The following RPTOR variants were observed in gnomAD, a reference collection of about 807,000 sequenced individuals.
The protein encoded by RPTOR is regulatory-associated protein of mTOR.
A neutral mutation model predicts 169.9 loss-of-function variants in RPTOR; 21 were observed. The observed-to-expected ratio is 0.12, with a 90% confidence interval of 0.09 to 0.18. RPTOR has a LOEUF of 0.18. RPTOR is among the 10% of genes least tolerant of loss of function. The pLI, the probability that RPTOR is intolerant of heterozygous loss-of-function variation, is 1.00. For missense variants in RPTOR, 1,133 were observed against 1,855.9 expected (o/e 0.61, Z 7.16); for synonymous variants, 732 against 753.2 (o/e 0.97, Z 0.46).
At position 80,838,022 on chromosome 17, in the gene RPTOR, T is replaced by C. The variant is rs762838254; in HGVS notation, c.1212+25T>C. On this transcript the variant is annotated intron_variant, in intron 10 of 33. Coordinates refer to ENST00000306801, the MANE Select transcript of RPTOR (RefSeq NM_020761.3). ...GGTGAGTCCCTCCAAGGGCACCCTG[T>C]GCATCCGCGGCGGCAGCCACTTCTC... The C allele has an allele frequency of 2.5e-6, 4 of 1,590,956 alleles. No homozygotes were observed. The East Asian group carries it at 9.0e-5, about 36-fold the overall frequency.
intron 4 of RPTOR, among the ~76,000 whole-genome samples, chr17:80,716,782 CGT>C (rs1567872632): frequency 6.6e-6 from 1 of 152,178 alleles, no homozygotes; most frequent in East Asian, 1.9e-4. Flanking sequence ...CATTCTCCTA[CGT>C]GTGACTTGCC....
In RPTOR at chr17:80,845,239, C is replaced by G. The variant is rs1005323770; in HGVS notation, c.1213-1234C>G. Among the ~76,000 whole-genome samples, 11 of 152,320 alleles carry G rather than the reference C, an allele frequency of 7.2e-5. No homozygotes were observed. Among genetic ancestry groups the G allele is most frequent in the African/African-American group, 2.2e-4 (9 of 41,574 alleles). ...GCCTGCACTCACGTGGCTGGGCTAA[C>G]TGGGAGCTCGGGCCCACCCGGTGTG... On this transcript the variant is annotated intron_variant, in intron 10 of 33. Coordinates refer to ENST00000306801, the MANE Select transcript of RPTOR (RefSeq NM_020761.3). This position sits in a 1 kb window ranked among gnomAD's most constrained non-coding sequence, Gnocchi z 5.4.
intron 11 of RPTOR, among the ~76,000 whole-genome samples, chr17:80,851,701 C>T (rs971333712): frequency 2.0e-5 from 3 of 152,222 alleles, no homozygotes; most frequent in African/African-American, 7.2e-5. Context: ...GACCACATCA[C>T]GGTGGTGATT....
intron 1 of RPTOR, among the ~76,000 whole-genome samples, chr17:80,595,494 C>T (rs997209295): frequency 3.3e-5 from 5 of 152,174 alleles, no homozygotes; most frequent in African/African-American, 7.2e-5. Context: ...CTCGCTCATT[C>T]GCCCAGGCTA....
At position 80,925,474 on chromosome 17, in the gene RPTOR, C is replaced by A. The variant is rs1471108121; in HGVS notation, c.2913C>A (p.Val971=). Reference sequence around the variant, plus strand: ...GCGCCCGCTATTTTGCCCAGCCCGTCATGAAGGTGCGCCCGGGGTGTGGGG... The same window carrying A: ...GCGCCCGCTATTTTGCCCAGCCCGTAATGAAGGTGCGCCCGGGGTGTGGGG... ...DWSARYFAQP[V]MKIPEEHDLE... is the part of the protein sequence containing the mutation. The change falls in exon 24 of 34, where the codon GTC becomes GTA. Residue 971 remains valine, a synonymous_variant. Coordinates refer to ENST00000306801, the MANE Select transcript of RPTOR (RefSeq NM_020761.3). The A allele has an allele frequency of 1.2e-6, 2 of 1,612,990 alleles. No homozygotes were observed. Among genetic ancestry groups the A allele is most frequent in the East Asian group, 4.5e-5 (2 of 44,894 alleles).
intron 7 of RPTOR, among the ~76,000 whole-genome samples, chr17:80,800,018 T>TA (rs1174714865): frequency 6.6e-6 from 1 of 152,196 alleles, no homozygotes; most frequent in East Asian, 1.9e-4. Flanking sequence ...CAGAGCTCTC[T>TA]AGGGGTCCGT....
Position 80,851,388 on chromosome 17 carries a change from C to CT in RPTOR, c.1315-4069dup, listed in dbSNP as rs986384576. Among the ~76,000 whole-genome samples the CT allele has an allele frequency of 4.5e-4, 68 of 152,126 alleles. 3 individuals are homozygous for CT. The highest frequency in any genetic ancestry group is 1.0e-4 in the Non-Finnish European group (7 of 67,992). ...TTTTTAAGTACAGAAACAACATTGG[C>CT]TTTTTTTCTAAAAGCCAATCCCATT... On this transcript the variant is annotated intron_variant, in intron 11 of 33. Transcript: ENST00000306801.
chr17:80,757,276 A>G (rs887902140), intron 6 of RPTOR, among the ~76,000 whole-genome samples: 1 of 152,226 alleles, frequency 6.6e-6, no homozygotes, highest in African/African-American at 2.4e-5. Context: ...GCTTGTGCCA[A>G]CCAGAAATTA....
At chr17:80,766,836 A>C (rs1598290941) in intron 6 of RPTOR, among the ~76,000 whole-genome samples, 1 of 80,818 alleles carries the variant, frequency 1.2e-5, no homozygotes, top group African/African-American at 5.4e-5. Context: ...TTAAGTCCAG[A>C]AAAAAAAGAA....
intron 5 of RPTOR, among the ~76,000 whole-genome samples, chr17:80,741,301 T>C (rs550475751): frequency 2.4e-4 from 36 of 151,894 alleles, no homozygotes; most frequent in African/African-American, 8.2e-4. Context: ...TGGAGGGTGG[T>C]GCTGGTGTGG....
intron 21 of RPTOR, among the ~76,000 whole-genome samples, chr17:80,915,133 G>A (rs1039167221): frequency 6.6e-6 from 1 of 151,952 alleles, no homozygotes; most frequent in Non-Finnish European, 1.5e-5. Flanking sequence ...GCAGAGAGGA[G>A]CTGCACACTC....
In RPTOR at chr17:80,854,308, G is replaced by A. The variant is rs535115495; in HGVS notation, c.1315-1156G>A. On this transcript the variant is annotated intron_variant, in intron 11 of 33. Coordinates refer to ENST00000306801, the MANE Select transcript of RPTOR (RefSeq NM_020761.3). ...AATTTAATGAAACCCTTGTGGGCAG[G>A]TGTTGTGTTATATGTGTTTTATGAA... Among the ~76,000 whole-genome samples the A allele has an allele frequency of 5.9e-5, 9 of 152,334 alleles. No homozygotes were observed. The East Asian group carries it at 1.5e-3, about 26-fold the overall frequency.
intron 3 of RPTOR, among the ~76,000 whole-genome samples, chr17:80,675,401 C>T (rs947075693): frequency 6.6e-6 from 1 of 152,184 alleles, no homozygotes; most frequent in Non-Finnish European, 1.5e-5. Context: ...CTATCACACC[C>T]GGGTCAAGGC....
chr17:80,648,398 G>C (rs774388413), intron 3 of RPTOR, among the ~76,000 whole-genome samples: 6 of 151,984 alleles, frequency 3.9e-5, no homozygotes, highest in Non-Finnish European at 8.8e-5. Flanking sequence ...TTTGGAGTGA[G>C]GATAATTGGA....
intron 9 of RPTOR, among the ~76,000 whole-genome samples, chr17:80,835,344 G>A (rs138261948): frequency 3.2e-4 from 48 of 152,072 alleles, no homozygotes; most frequent in African/African-American, 6.3e-4. Context: ...ACGGCAGCAC[G>A]GAGTGTCATT....
chr17:80,580,696 C>T (rs1363257776), intron 1 of RPTOR, among the ~76,000 whole-genome samples: 4 of 152,136 alleles, frequency 2.6e-5, no homozygotes, highest in Non-Finnish European at 4.4e-5. Flanking sequence ...AATCACAGTT[C>T]GCTGTAGCCT....
chr17:80,736,633 ATCT>A lies in RPTOR; in HGVS notation c.654+5933_654+5935del, dbSNP rs542886593. Among the ~76,000 whole-genome samples, 657 of 152,324 alleles carry A rather than the reference ATCT, an allele frequency of 4.3e-3. 5 individuals are homozygous for A. The highest frequency in any genetic ancestry group is 0.015 in the African/African-American group (621 of 41,574). ...AGATCTAAAGTACTCATGTTCTGAA[ATCT>A]TCTTCATTTCTTTGCTACTCTTGTA... On this transcript the variant is annotated intron_variant, in intron 5 of 33. Coordinates refer to ENST00000306801, the MANE Select transcript of RPTOR (RefSeq NM_020761.3).
Position 80,823,486 on chromosome 17 carries a change from C to T in RPTOR, c.1136+263C>T. 5.1e-6 allele frequency: 2 copies of T among 388,624 alleles called. No homozygotes were observed. The highest frequency in any genetic ancestry group is 4.6e-6 in the Non-Finnish European group (1 of 215,340). The allele number at this position is 388,624 out of a possible 1,614,324, so 24.1% of individuals were successfully genotyped here. A position where few individuals can be genotyped will look rare whatever the true frequency, so the allele number is the denominator to read the frequency against. On this transcript the variant is annotated intron_variant, in intron 9 of 33. Coordinates refer to ENST00000306801, the MANE Select transcript of RPTOR (RefSeq NM_020761.3). This position sits in a 1 kb window ranked among gnomAD's most constrained non-coding sequence, Gnocchi z 4.5. Reference sequence around the variant, plus strand: ...CGGCTGAAGCCTCACAGCTCTGCAACTCGGGAGGGTAGCACTTTGCAAGAG... The same window carrying T: ...CGGCTGAAGCCTCACAGCTCTGCAATTCGGGAGGGTAGCACTTTGCAAGAG...
intron 6 of RPTOR, among the ~76,000 whole-genome samples, chr17:80,775,163 A>C (rs924928964): frequency 1.3e-5 from 2 of 152,218 alleles, no homozygotes; most frequent in Admixed American, 6.5e-5. Flanking sequence ...AAGATGGGAA[A>C]GCCTTTTCTG....
Sources: allele counts gnomAD v4.1 joint callset (sites outside exome capture counted in the v4.1 genomes callset), GRCh38; gene constraint gnomAD v4.1.1; non-coding constraint Gnocchi (gnomAD v3.1); transcripts MANE v1.5; gene names NCBI Gene and HGNC (gene_info 2026-07-23, HGNC 2026-07-21).